The following P2RY12 variants were observed in gnomAD, a reference collection of about 807,000 sequenced individuals.
The protein encoded by P2RY12 is purinergic receptor P2Y12.
P2RY12 carries 3 observed loss-of-function variants against 4.5 expected under a neutral mutation model. The observed-to-expected ratio is 0.67, with a 90% confidence interval of 0.31 to 1.74. The LOEUF is 1.74. P2RY12 is among the 40% of genes most tolerant of loss of function. P2RY12 has a pLI of 0.09. For missense variants in P2RY12, 356 were observed against 407.8 expected (o/e 0.87, Z 1.09); for synonymous variants, 148 against 154.1 (o/e 0.96, Z 0.29).
chr3:151,355,818 A>C, intron 1 of P2RY12: 1 of 1,345,194 alleles, frequency 7.4e-7, no homozygotes, highest in Non-Finnish European at 1.0e-6. Flanking sequence ...AACTGTCTTA[A>C]AAAGTAAAAA....
At chr3:151,382,878 A>C (rs781654186) in intron 1 of P2RY12, 2 of 643,552 alleles carry the variant, frequency 3.1e-6, no homozygotes, top group Non-Finnish European at 5.3e-6. Flanking sequence ...CTCTGTAATT[A>C]CTTCCCTGTT....
rs559889203 is a variant in P2RY12, at chr3:151,380,018, A to G, written c.-180+4674T>C. ...TCTTTGGCTATTTACCACCTCTCTT[A>G]TTTATCTAATAGTGAGGCAAAGAAA... On this transcript the variant is annotated intron_variant, in intron 1 of 2. Coordinates refer to ENST00000302632, the MANE Select transcript of P2RY12 (RefSeq NM_022788.5). 272 of 744,574 alleles carry G rather than the reference A, an allele frequency of 3.7e-4. 2 individuals are homozygous for G. In the African/African-American group the frequency reaches 4.4e-3, roughly 12 times the overall value. The allele number at this position is 744,574 out of a possible 1,614,324, so 46.1% of individuals were successfully genotyped here. A position where few individuals can be genotyped will look rare whatever the true frequency, so the allele number is the denominator to read the frequency against.
chr3:151,365,834 T>C lies in P2RY12; in HGVS notation c.-180+18858A>G, dbSNP rs190373963. 88 of 1,600,238 alleles carry C rather than the reference T, an allele frequency of 5.5e-5. No individual in the cohort carries two copies. In the Admixed American group the frequency reaches 1.5e-3, roughly 27 times the overall value. On this transcript the variant is annotated intron_variant, in intron 1 of 2. Transcript: ENST00000302632. ...TTGTACAAGGTTACTTTCTGTGTCT[T>C]CTTTTTCTTTTCTAGGATTAACGAC...
At chr3:151,349,968 T>G in intron 1 of P2RY12, 1 of 1,183,334 alleles carries the variant, frequency 8.5e-7, no homozygotes, top group East Asian at 2.7e-5. Context: ...CAAGCCAGCA[T>G]GGAGGTGCTG....
intron 1 of P2RY12, chr3:151,368,367 G>T: frequency 1.2e-6 from 1 of 807,950 alleles, no homozygotes; most frequent in Non-Finnish European, 2.1e-6. Flanking sequence ...GGCATGCCCT[G>T]GGGGTGATGA....
chr3:151,347,052 T>C (rs1403034147), intron 1 of P2RY12, among the ~76,000 whole-genome samples: 2 of 152,160 alleles, frequency 1.3e-5, no homozygotes, highest in African/African-American at 4.8e-5. Flanking sequence ...CATTTACTCC[T>C]TGGGTTCAAA....
At chr3:151,341,634 A>T (rs949397698) in intron 1 of P2RY12, among the ~76,000 whole-genome samples, 3 of 151,652 alleles carry the variant, frequency 2.0e-5, no homozygotes, top group Middle Eastern at 3.4e-3. Flanking sequence ...TGTGCAGGTT[A>T]GTTACATATG....
chr3:151,354,206 A>G (rs1753644033), intron 1 of P2RY12, among the ~76,000 whole-genome samples: 2 of 151,248 alleles, frequency 1.3e-5, no homozygotes, highest in South Asian at 4.2e-4. Flanking sequence ...CATATATCCA[A>G]CTTTTCCTTT....
At position 151,382,890 on chromosome 3, in the gene P2RY12, C is replaced by T. The variant is rs1197415946; in HGVS notation, c.-180+1802G>A. The T allele has an allele frequency of 6.7e-6, 4 of 601,022 alleles. No individual in the cohort carries two copies. In the Admixed American group the frequency reaches 1.0e-4, roughly 15 times the overall value. The allele number at this position is 601,022 out of a possible 1,614,324, so 37.2% of individuals were successfully genotyped here. A position where few individuals can be genotyped will look rare whatever the true frequency, so the allele number is the denominator to read the frequency against. ...GCTCTCTGTAATTACTTCCCTGTTT[C>T]TAAAGCCTTCTGTTTCCCTTGCTGC... On this transcript the variant is annotated intron_variant, in intron 1 of 2. Coordinates refer to ENST00000302632, the MANE Select transcript of P2RY12 (RefSeq NM_022788.5).
intron 1 of P2RY12, among the ~76,000 whole-genome samples, chr3:151,378,361 A>G (rs1711593814): frequency 6.6e-6 from 1 of 152,198 alleles, no homozygotes; most frequent in Admixed American, 6.5e-5. Flanking sequence ...TCCTTAATAC[A>G]TTAGTTCTCA....
intron 1 of P2RY12, among the ~76,000 whole-genome samples, chr3:151,360,165 T>G (rs944620703): frequency 6.6e-6 from 1 of 152,162 alleles, no homozygotes; most frequent in African/African-American, 2.4e-5. Flanking sequence ...CAGTTTTCCT[T>G]TTGTGTCTCA....
intron 1 of P2RY12, among the ~76,000 whole-genome samples, chr3:151,350,893 C>T (rs776467329): frequency 1.1e-4 from 16 of 152,150 alleles, no homozygotes; most frequent in Non-Finnish European, 1.8e-4. Context: ...ATCCACTTCA[C>T]GTTTGCCTAA....
chr3:151,369,842 G>A (rs1245134617), intron 1 of P2RY12, among the ~76,000 whole-genome samples: 2 of 151,986 alleles, frequency 1.3e-5, no homozygotes, highest in Non-Finnish European at 2.9e-5. Flanking sequence ...GGGTTGTTTT[G>A]CCTTCTCTGG....
At chr3:151,363,643 AAG>A (rs1405359525) in intron 1 of P2RY12, among the ~76,000 whole-genome samples, 16 of 152,210 alleles carry the variant, frequency 1.1e-4, no homozygotes, top group African/African-American at 3.6e-4. Flanking sequence ...TCTACACAGA[AAG>A]AGAGTGTAGA....
intron 2 of P2RY12, 43 bp from the exon 3 acceptor site, chr3:151,338,902 G>A (rs1751417601): frequency 1.9e-6 from 3 of 1,555,674 alleles, no homozygotes; most frequent in African/African-American, 1.4e-5. Flanking sequence ...GCCTAAGGTA[G>A]TTATTATTGC....
At chr3:151,357,899 A>G (rs1754123182) in intron 1 of P2RY12, among the ~76,000 whole-genome samples, 1 of 152,216 alleles carries the variant, frequency 6.6e-6, no homozygotes, top group African/African-American at 2.4e-5. Context: ...AAGTTGAGCT[A>G]CAGAATTAGC....
intron 1 of P2RY12, among the ~76,000 whole-genome samples, chr3:151,341,643 T>A (rs940152533): frequency 1.6e-4 from 24 of 151,898 alleles, no homozygotes; most frequent in Non-Finnish European, 2.8e-4. Context: ...TAGTTACATA[T>A]GTATACATGT....
chr3:151,356,080 A>AATCCACC (rs779990805), intron 1 of P2RY12: 31 of 1,587,746 alleles, frequency 2.0e-5, no homozygotes, highest in Non-Finnish European at 2.7e-5. Flanking sequence ...TAGGAAAGCA[A>AATCCACC]ATCCACCAGG....
intron 1 of P2RY12, among the ~76,000 whole-genome samples, chr3:151,342,232 A>C (rs1751947767): frequency 6.6e-6 from 1 of 152,202 alleles, no homozygotes; most frequent in Non-Finnish European, 1.5e-5. Context: ...CATCCTCTCC[A>C]ACACCTGTGC....
Sources: allele counts gnomAD v4.1 joint callset (sites outside exome capture counted in the v4.1 genomes callset), GRCh38; gene constraint gnomAD v4.1.1; transcripts MANE v1.5; gene names NCBI Gene and HGNC (gene_info 2026-07-23, HGNC 2026-07-21).